Variants in NOX4 observed in about 807,000 individuals in gnomAD.
NOX4 encodes kidney oxidase-1.
NOX4 carries 69 observed loss-of-function variants against 87.6 expected under a neutral mutation model. The observed-to-expected ratio is 0.79, with a 90% CI of 0.65 to 0.96. The LOEUF (loss-of-function observed/expected upper bound fraction) is 0.96, where lower values mean the gene tolerates loss of function less well. Ranked by LOEUF, NOX4 falls within the 40% of genes least tolerant of loss-of-function variation. The pLI is 0.00. For synonymous variants in NOX4, 275 were observed against 238.2 expected, an observed-to-expected ratio of 1.15 and a Z score of -1.42; for missense variants, 680 against 681.5, an observed-to-expected ratio of 1.00 and a Z score of 0.02.
intron 4 of NOX4, among the ~76,000 whole-genome samples, chr11:89,448,620 G>A (rs530822278): frequency 1.8e-4 from 28 of 152,142 alleles, no homozygotes; most frequent in African/African-American, 5.3e-4. Flanking sequence ...AGTGGCACCC[G>A]CCTATAATCA....
chr11:89,586,627 T>C, the NOX4 span, among the ~76,000 whole-genome samples: 181 of 152,316 alleles, frequency 1.2e-3, no homozygotes, highest in African/African-American at 4.0e-3. Flanking sequence ...TAATCCTTCA[T>C]GCATACAATC....
chr11:89,492,688 A>G (rs543429210), upstream of NOX4, among the ~76,000 whole-genome samples: 1 of 152,300 alleles, frequency 6.6e-6, no homozygotes, highest in South Asian at 2.1e-4. Flanking sequence ...AAATAATACT[A>G]TGTTCTTTCT....
At chr11:89,506,138 T>C in the NOX4 span, among the ~76,000 whole-genome samples, 1 of 151,770 alleles carries the variant, frequency 6.6e-6, no homozygotes, top group Non-Finnish European at 1.5e-5. Flanking sequence ...TGACAATGTT[T>C]AATGTCAATT....
chr11:89,459,941 C>T lies in NOX4; in HGVS notation c.154-8046G>A, dbSNP rs1440035559. ...CAAGGCTACAGTAACCAAAACAGCA[C>T]GGTACTGCTACCAAAACAGAGATAT... On this transcript the variant is annotated intron_variant, in intron 2 of 17. Transcript: ENST00000263317. Among the ~76,000 whole-genome samples the T allele has an allele frequency of 3.8e-4, 58 of 152,136 alleles. 1 individual carries two copies. Among genetic ancestry groups the T allele is most frequent in the East Asian group, 7.7e-4 (4 of 5,176 alleles).
chr11:89,562,772 T>C, the NOX4 span, among the ~76,000 whole-genome samples: 1 of 152,222 alleles, frequency 6.6e-6, no homozygotes, highest in East Asian at 1.9e-4. Context: ...TCACCTATGC[T>C]TTGTGTATTT....
At chr11:89,420,069 CA>C (rs1363382075) in intron 8 of NOX4, among the ~76,000 whole-genome samples, 1 of 151,762 alleles carries the variant, frequency 6.6e-6, no homozygotes, top group East Asian at 1.9e-4. Flanking sequence ...CAGACCTCTC[CA>C]AAAAAATAAA....
intron 11 of NOX4, among the ~76,000 whole-genome samples, chr11:89,395,628 T>C (rs1591107083): frequency 6.6e-6 from 1 of 152,226 alleles, no homozygotes; most frequent in East Asian, 1.9e-4. Context: ...AGGGATTTTA[T>C]GGTTTTAGGT....
intron 7 of NOX4, among the ~76,000 whole-genome samples, chr11:89,427,008 C>T (rs1943457070): frequency 6.6e-6 from 1 of 152,150 alleles, no homozygotes; most frequent in African/African-American, 2.4e-5. Context: ...GGGCCGAGTA[C>T]CCCTCTGAGA....
chr11:89,368,261 G>C (rs1269901417), intron 12 of NOX4, among the ~76,000 whole-genome samples: 1 of 151,884 alleles, frequency 6.6e-6, no homozygotes, highest in African/African-American at 2.4e-5. Context: ...AATTTGTCCA[G>C]TGGTATTCTG....
At chr11:89,348,452 A>C (rs527399840) in intron 13 of NOX4, among the ~76,000 whole-genome samples, 2 of 150,330 alleles carry the variant, frequency 1.3e-5, no homozygotes, top group South Asian at 4.2e-4. Flanking sequence ...TAAAAAAAAA[A>C]CTATATATAT....
chr11:89,384,155 C>T (rs143562490), intron 11 of NOX4, among the ~76,000 whole-genome samples: 2,844 of 152,244 alleles, frequency 0.019, 78 homozygotes, highest in East Asian at 0.13. Flanking sequence ...CCTATCCACC[C>T]CATGGTGCCA....
intron 11 of NOX4, among the ~76,000 whole-genome samples, chr11:89,391,729 G>T (rs1419054590): frequency 2.9e-4 from 34 of 115,722 alleles, no homozygotes; most frequent in Admixed American, 1.7e-3. Flanking sequence ...GACAGAGGCA[G>T]ACCTTGTCTC....
the NOX4 span, among the ~76,000 whole-genome samples, chr11:89,553,907 A>C: frequency 6.8e-6 from 1 of 147,886 alleles, no homozygotes; most frequent in Admixed American, 6.8e-5. Flanking sequence ...GACAAGAGGT[A>C]GTTTTGCCAC....
rs1037115505 is a variant in NOX4 at position 89,487,963 on chromosome 11, A to T, written c.153+2495T>A. ...CTGTAGAAGGAGTTTCTTTTCCAAT[A>T]AAAGGTAATATACAGACTGAAAATA... is the stretch of plus-strand genomic sequence containing the variant. On this transcript the variant is annotated intron_variant, in intron 2 of 17. Transcript: ENST00000263317. 2.6e-5 allele frequency among the ~76,000 whole-genome samples: 4 copies of T among 152,162 alleles called. No homozygotes were observed. In the East Asian group the frequency reaches 7.7e-4, roughly 29 times the overall value.
chr11:89,437,299 G>C (rs181221066), intron 6 of NOX4, among the ~76,000 whole-genome samples: 132 of 152,240 alleles, frequency 8.7e-4, no homozygotes, highest in African/African-American at 2.9e-3. Context: ...CTGTGCCTGA[G>C]AACATTCAGA....
At chr11:89,423,969 A>C (rs1056345533) in intron 7 of NOX4, among the ~76,000 whole-genome samples, 5 of 152,050 alleles carry the variant, frequency 3.3e-5, no homozygotes, top group Admixed American at 6.6e-5. Flanking sequence ...AGGGAGGCTG[A>C]AGTGGGAGGA....
At chr11:89,510,742 C>T in the NOX4 span, among the ~76,000 whole-genome samples, 1 of 151,994 alleles carries the variant, frequency 6.6e-6, no homozygotes, top group Admixed American at 6.6e-5. Flanking sequence ...ATTTTAGCAG[C>T]AACATGCTTC....
the NOX4 span, among the ~76,000 whole-genome samples, chr11:89,582,527 C>T: frequency 6.6e-6 from 1 of 152,084 alleles, no homozygotes; most frequent in Admixed American, 6.5e-5. Flanking sequence ...CTATTCCCCA[C>T]AAAACTTGTC....
At chr11:89,429,663 G>A (rs1170265290) in intron 7 of NOX4, among the ~76,000 whole-genome samples, 2 of 152,136 alleles carry the variant, frequency 1.3e-5, no homozygotes, top group East Asian at 3.9e-4. Flanking sequence ...AAACCAGGAA[G>A]AAGATGAATC....
Sources: gnomAD v4.1 joint callset for allele counts (sites outside exome capture counted in the v4.1 genomes callset) on GRCh38, gnomAD v4.1.1 for gene constraint, MANE v1.5 for transcripts, NCBI Gene and HGNC (gene_info 2026-07-23, HGNC 2026-07-21) for gene names.